PRORP: variants seen among roughly 807,000 people sequenced by gnomAD.
PRORP encodes mitochondrial ribonuclease P catalytic subunit.
A neutral mutation model predicts 59.4 loss-of-function variants in PRORP; 51 were observed. The observed-to-expected ratio is 0.86, with a 90% CI of 0.69 to 1.08. The LOEUF (loss-of-function observed/expected upper bound fraction) is 1.08, where lower values mean the gene tolerates loss of function less well. PRORP is among the 50% of genes least tolerant of loss of function. The pLI, the probability that PRORP is intolerant of heterozygous loss-of-function variation, is 0.00. For synonymous variants in PRORP, 231 were observed against 245.6 expected, an observed-to-expected ratio of 0.94 and a Z score of 0.55; for missense variants, 646 against 690.3, an observed-to-expected ratio of 0.94 and a Z score of 0.72.
chr14:35,123,510 G>A lies in PRORP; in HGVS notation c.265G>A (p.Ala89Thr), dbSNP rs985476298. The change falls in exon 2 of 8, where the codon GCA (alanine) becomes ACA (threonine). Residue 89 changes from alanine (A) to threonine (T), a missense_variant. Transcript: ENST00000534898. ...YSVPHFFLAG[A>T]AKERSQMNSQ... ...TGTTCCTCATTTTTTTTTAGCTGGA[G>A]CAGCTAAGGAGAGATCACAGATGAA... The A allele has an allele frequency of 1.2e-6, 2 of 1,614,000 alleles. No individual in the cohort carries two copies. The highest frequency in any genetic ancestry group is 1.7e-6 in the Non-Finnish European group (2 of 1,179,978).
In PRORP at chr14:35,137,230, G is replaced by A. The variant is rs193167734; in HGVS notation, c.1167+9619G>A. Among the ~76,000 whole-genome samples, 1,169 of 145,122 alleles carry A rather than the reference G, an allele frequency of 8.1e-3. 180 individuals are homozygous for A. The highest frequency in any genetic ancestry group is 0.014 in the Non-Finnish European group (891 of 65,244). On this transcript the variant is annotated intron_variant, in intron 4 of 7. Transcript: ENST00000534898. Reference sequence around the variant, plus strand: ...GTCAAGGGAGGGTTTAGAGAGATAGGCTTGTGCCTGTTTGGAGGATGAAGA... The same window carrying A: ...GTCAAGGGAGGGTTTAGAGAGATAGACTTGTGCCTGTTTGGAGGATGAAGA...
chr14:35,152,057 T>C (rs2047768778), intron 4 of PRORP, among the ~76,000 whole-genome samples: 1 of 152,078 alleles, frequency 6.6e-6, no homozygotes, highest in South Asian at 2.1e-4. Context: ...GTCTCCGGTT[T>C]TCCTAGGCAG....
At chr14:35,270,682 T>G in intron 7 of PRORP, 86 bp downstream of exon 7, 1 of 1,231,214 alleles carries the variant, frequency 8.1e-7, no homozygotes, top group Non-Finnish European at 1.2e-6. Flanking sequence ...CACAACTAAT[T>G]GAAGGTTGCA....
chr14:35,183,680 G>A (rs1488005813), intron 5 of PRORP, among the ~76,000 whole-genome samples: 1 of 152,080 alleles, frequency 6.6e-6, no homozygotes, highest in Non-Finnish European at 1.5e-5. Flanking sequence ...AATGATTGTA[G>A]TAATTTATAC....
intron 5 of PRORP, among the ~76,000 whole-genome samples, chr14:35,188,936 C>CA (rs2048811561): frequency 2.4e-5 from 2 of 82,992 alleles, no homozygotes; most frequent in South Asian, 7.7e-4. Flanking sequence ...GAGCAAGACT[C>CA]TGTCTAAAAA....
At chr14:35,246,314 C>G (rs1222908570) in intron 5 of PRORP, among the ~76,000 whole-genome samples, 3 of 152,280 alleles carry the variant, frequency 2.0e-5, no homozygotes, top group East Asian at 3.9e-4. Flanking sequence ...TTCTCTCTCT[C>G]TAAACTCAAA....
intron 5 of PRORP, among the ~76,000 whole-genome samples, chr14:35,181,443 A>G (rs1267200564): frequency 6.6e-6 from 1 of 152,172 alleles, no homozygotes; most frequent in Admixed American, 6.5e-5. Context: ...GGCTCTTATC[A>G]TTGGCAATCT....
intron 5 of PRORP, among the ~76,000 whole-genome samples, chr14:35,243,938 C>A (rs542610380): frequency 1.2e-4 from 19 of 152,230 alleles, no homozygotes; most frequent in Non-Finnish European, 1.8e-4. Flanking sequence ...TGGTTTAGGT[C>A]ATTTTTTAAA....
chr14:35,168,482 TC>T (rs922083049), intron 4 of PRORP, among the ~76,000 whole-genome samples: 24 of 152,306 alleles, frequency 1.6e-4, no homozygotes, highest in Admixed American at 1.0e-3. Flanking sequence ...CCCAATAATG[TC>T]CATAACAAGC....
intron 5 of PRORP, among the ~76,000 whole-genome samples, chr14:35,256,976 G>T (rs958175281): frequency 2.2e-4 from 34 of 151,240 alleles, no homozygotes; most frequent in African/African-American, 8.3e-4. Context: ...AGGTTCAAGC[G>T]ATTCTCCTGC....
At position 35,124,126 on chromosome 14, in the gene PRORP, A is replaced by G; in HGVS notation, c.881A>G (p.Asp294Gly). 1 of 1,612,420 alleles carries G rather than the reference A, an allele frequency of 6.2e-7. No individual in the cohort carries two copies. ...TTTGATTTTGGAAAAGACATAAAGG[A>G]TGATAACTATTCAAATAAACTACTA... ...AFFDFGKDIK[D>G]DNYSNKLLDI... is the part of the protein sequence containing the mutation. The change falls in exon 2 of 8, where the codon GAT becomes GGT. Residue 294 changes from aspartate (D) to glycine (G), a missense_variant. Physicochemically the swap from Asp to Gly is moderately conservative, Grantham distance 94. Coordinates refer to ENST00000534898, the MANE Select transcript of PRORP (RefSeq NM_014672.4).
rs778052465 is a variant in PRORP at position 35,123,437 on chromosome 14, G to A, written c.192G>A (p.Lys64=). The A allele has an allele frequency of 3.1e-6, 5 of 1,614,150 alleles. No homozygotes were observed. In the African/African-American group the frequency reaches 5.3e-5, roughly 17 times the overall value. Residue 64 remains lysine (K), a synonymous_variant, in exon 2 of 8, where the codon AAG becomes AAA. Transcript: ENST00000534898. The part of the protein sequence containing the change: ...QNTKATNLIA[K]ARYLRKDEGS... ...CCAAAGCAACGAATCTGATTGCCAA[G>A]GCCAGATATCTCAGGAAAGATGAGG...
At chr14:35,180,551 T>TGTGTGTGTGTGTGTGTGTGTGTGTG in intron 4 of PRORP, 119 bp from the exon 5 acceptor site, 3 of 621,264 alleles carry the variant, frequency 4.8e-6, no homozygotes, top group South Asian at 2.0e-5. Context: ...TGTGTGTGTG[T>TGTGTGTGTGTGTGTGTGTGTGTGTG]ATTTTTAAGG....
intron 4 of PRORP, among the ~76,000 whole-genome samples, chr14:35,129,067 G>A (rs1008642803): frequency 6.6e-6 from 1 of 151,882 alleles, no homozygotes; most frequent in Admixed American, 6.6e-5. Context: ...AATTAGCTGG[G>A]CATGGCGGCG....
At chr14:35,148,541 A>T (rs2047665670) in intron 4 of PRORP, among the ~76,000 whole-genome samples, 1 of 152,238 alleles carries the variant, frequency 6.6e-6, no homozygotes, top group Non-Finnish European at 1.5e-5. Flanking sequence ...GAGATTCAGC[A>T]TAATTGTTAA....
At position 35,149,376 on chromosome 14, in the gene PRORP, A is replaced by T. The variant is rs574966175; in HGVS notation, c.1167+21765A>T. On this transcript the variant is annotated intron_variant, in intron 4 of 7. Coordinates refer to ENST00000534898, the MANE Select transcript of PRORP (RefSeq NM_014672.4). ...ACTACAGGCATACCACCATACCTGG[A>T]TCATTTTTAAATTTTTTGTAGAGAT... is the stretch of plus-strand genomic sequence containing the variant. Among the ~76,000 whole-genome samples, 11 of 151,982 alleles carry T rather than the reference A, an allele frequency of 7.2e-5. No individual in the cohort carries two copies. In the South Asian group the frequency reaches 2.1e-3, roughly 29 times the overall value.
At chr14:35,234,805 A>G (rs1207907699) in intron 5 of PRORP, among the ~76,000 whole-genome samples, 1 of 151,584 alleles carries the variant, frequency 6.6e-6, no homozygotes, top group African/African-American at 2.4e-5. Flanking sequence ...CAGCTCCCAG[A>G]GTAGCTGAGA....
intron 5 of PRORP, among the ~76,000 whole-genome samples, chr14:35,216,455 C>T (rs1186918282): frequency 6.6e-6 from 1 of 151,890 alleles, no homozygotes; most frequent in Non-Finnish European, 1.5e-5. Context: ...ACCAGAGGCA[C>T]GTGCCACCAC....
intron 4 of PRORP, among the ~76,000 whole-genome samples, chr14:35,129,479 C>CTTTTTTTTTTTTTTTTTTTTGTTTTTTTT (rs1230052932): frequency 7.1e-6 from 1 of 140,912 alleles, no homozygotes; most frequent in Non-Finnish European, 1.6e-5. Flanking sequence ...TTGTATTTTT[C>CTTTTTTTTTTTTTTTTTTTTGTTTTTTTT]TTTTTTTTTT....
Sources: gnomAD v4.1 joint callset for allele counts (sites outside exome capture counted in the v4.1 genomes callset) on GRCh38, gnomAD v4.1.1 for gene constraint, MANE v1.5 for transcripts, NCBI Gene and HGNC (gene_info 2026-07-23, HGNC 2026-07-21) for gene names.